RAB3IP: variants seen among roughly 807,000 people sequenced by gnomAD.
RAB3IP encodes the protein RAB3A interacting protein, also known as rab-3A-interacting protein.
In RAB3IP, 36 loss-of-function variants were observed where a neutral mutation model predicts 59.1. The ratio of observed to expected loss-of-function variants is 0.61; its 90% CI spans 0.47 to 0.80. RAB3IP has a LOEUF of 0.80. Ranked by LOEUF, RAB3IP falls within the 30% of genes least tolerant of loss-of-function variation. RAB3IP has a pLI of 0.00. For synonymous variants in RAB3IP, 207 were observed against 191.2 expected (o/e 1.08, Z -0.68); for missense variants, 511 against 536.0 (o/e 0.95, Z 0.46).
In RAB3IP at chr12:69,755,793, G is replaced by A. The variant is rs190057896; in HGVS notation, c.251+134G>A. 8.2e-5 allele frequency: 58 copies of A among 707,586 alleles called. 1 individual carries two copies. Among genetic ancestry groups the A allele is most frequent in the Admixed American group, 4.1e-4 (14 of 34,062 alleles). 43.8% of individuals were successfully genotyped at this position (707,586 alleles called of 1,614,324 possible). On this transcript the variant is annotated intron_variant, in intron 2 of 10. Coordinates refer to ENST00000247833, the MANE Select transcript of RAB3IP (RefSeq NM_022456.5). ...GCCTAGGTAAAGAAATACATGACCT[G>A]ATAATGTTCTAGAACAGGGTTGACA...
At chr12:69,756,334 G>GCT in intron 2 of RAB3IP, 71 bp from the exon 3 acceptor site, 1 of 1,486,090 alleles carries the variant, frequency 6.7e-7, no homozygotes, top group Non-Finnish European at 9.2e-7. Context: ...CAGTTCTAGA[G>GCT]CTGTGTGTTT....
chr12:69,821,014 T>C lies in RAB3IP; in HGVS notation c.*5568T>C, dbSNP rs956611526. 6.6e-6 allele frequency: 1 copy of C among 151,896 alleles called. No individual in the cohort carries two copies. Among genetic ancestry groups the C allele is most frequent in the African/African-American group, 2.4e-5 (1 of 41,338 alleles). 9.4% of individuals were successfully genotyped at this position (151,896 alleles called of 1,614,324 possible). ...AAGAGGACTAAACTTGATAAAATATTAAAAGAATTGAAACCCTTCCTAAAG... is the reference window on the plus strand; with the variant it reads ...AAGAGGACTAAACTTGATAAAATATCAAAAGAATTGAAACCCTTCCTAAAG... On this transcript the variant is annotated 3_prime_UTR_variant, in exon 11 of 11. Coordinates refer to ENST00000247833, the MANE Select transcript of RAB3IP (RefSeq NM_022456.5).
At chr12:69,754,083 A>G (rs1164879119) in intron 1 of RAB3IP, among the ~76,000 whole-genome samples, 2 of 152,162 alleles carry the variant, frequency 1.3e-5, no homozygotes, top group African/African-American at 2.4e-5. Context: ...AGCAACCAGG[A>G]CAAGGGAGGG....
intron 3 of RAB3IP, among the ~76,000 whole-genome samples, chr12:69,758,339 A>ATT (rs1049132052): frequency 3.9e-5 from 6 of 152,066 alleles, no homozygotes; most frequent in Admixed American, 2.6e-4. Context: ...TTTGGTTTAA[A>ATT]TTTACCATCT....
At chr12:69,788,994 C>G (rs139331682) in intron 4 of RAB3IP, among the ~76,000 whole-genome samples, 1 of 151,676 alleles carries the variant, frequency 6.6e-6, no homozygotes, top group Non-Finnish European at 1.5e-5. Context: ...TTTCTTGAGA[C>G]GAATAAAACT....
At chr12:69,771,383 C>T (rs1303138590) in intron 3 of RAB3IP, among the ~76,000 whole-genome samples, 2 of 151,838 alleles carry the variant, frequency 1.3e-5, no homozygotes, top group Non-Finnish European at 2.9e-5. Flanking sequence ...ATAAATTAAT[C>T]AGACATGGTG....
chr12:69,739,566 G>A (rs1318036453), intron 1 of RAB3IP: 1 of 514,884 alleles, frequency 1.9e-6, no homozygotes, highest in Non-Finnish European at 3.5e-6. Flanking sequence ...GAAACTACGC[G>A]CGAGGCACCG....
intron 4 of RAB3IP, among the ~76,000 whole-genome samples, chr12:69,790,165 T>C (rs897302468): frequency 1.3e-5 from 2 of 152,056 alleles, no homozygotes; most frequent in African/African-American, 4.8e-5. Context: ...GTGTAGAAAA[T>C]TCTAAAGATT....
chr12:69,801,834 C>G (rs1878436402), intron 8 of RAB3IP, 113 bp downstream of exon 8: 2 of 657,832 alleles, frequency 3.0e-6, no homozygotes, highest in Non-Finnish European at 5.3e-6. Flanking sequence ...TCAGATTTCT[C>G]TTAAGCGTCT....
chr12:69,801,317 CTG>C (rs1409325072), intron 7 of RAB3IP, among the ~76,000 whole-genome samples: 3 of 152,130 alleles, frequency 2.0e-5, no homozygotes, highest in African/African-American at 7.2e-5. Flanking sequence ...GTGGCATTAA[CTG>C]TGGATATTAA....
intron 3 of RAB3IP, among the ~76,000 whole-genome samples, chr12:69,772,519 T>C (rs560831107): frequency 6.6e-6 from 1 of 152,294 alleles, no homozygotes; most frequent in East Asian, 1.9e-4. Context: ...TTAAGTGATT[T>C]TCTCTAGTAA....
chr12:69,809,476 A>G (rs1880041978), intron 8 of RAB3IP, among the ~76,000 whole-genome samples: 1 of 152,156 alleles, frequency 6.6e-6, no homozygotes, highest in Admixed American at 6.5e-5. Flanking sequence ...GTTCTCCTGG[A>G]TAATATCCTG....
rs1398986713 is a variant in RAB3IP, at chr12:69,820,113, C to T, written c.*4667C>T. ...TTGTTTTCAGTGGTTTTTGTTGTTG[C>T]ATTTTTCCCTAGATAAAATGTTTTT... is the stretch of plus-strand genomic sequence containing the variant. On this transcript the variant is annotated 3_prime_UTR_variant, in exon 11 of 11. Transcript: ENST00000247833. The T allele has an allele frequency of 3.3e-5, 5 of 152,158 alleles. No individual in the cohort carries two copies. The highest frequency in any genetic ancestry group is 1.3e-4 in the Admixed American group (2 of 15,276). The allele number at this position is 152,158 out of a possible 1,614,324, so 9.4% of individuals were successfully genotyped here. A position where few individuals can be genotyped will look rare whatever the true frequency, so the allele number is the denominator to read the frequency against.
chr12:69,759,740 G>C (rs1423401729), intron 3 of RAB3IP, among the ~76,000 whole-genome samples: 3 of 150,290 alleles, frequency 2.0e-5, no homozygotes, highest in Non-Finnish European at 3.0e-5. Flanking sequence ...GCTGCCGGGC[G>C]GGGGCTGACC....
intron 6 of RAB3IP, among the ~76,000 whole-genome samples, chr12:69,799,716 A>G (rs1878076325): frequency 6.6e-6 from 1 of 152,140 alleles, no homozygotes; most frequent in South Asian, 2.1e-4. Context: ...TTTGATCCCA[A>G]ACTAGGTTTC....
rs1302170237 is a variant in RAB3IP, at chr12:69,803,185, A to G, written c.1130+1464A>G. Among the ~76,000 whole-genome samples, 3 of 152,202 alleles carry G rather than the reference A, an allele frequency of 2.0e-5. No homozygotes were observed. The South Asian group carries it at 6.2e-4, about 31-fold the overall frequency. On this transcript the variant is annotated intron_variant, in intron 8 of 10. Transcript: ENST00000247833. ...TATCAAATTAAAGTGGATTTATAGT[A>G]TCTTTAGTAAAATAATTATAGTTTA...
At chr12:69,746,787 T>C (rs1868383747) in intron 1 of RAB3IP, among the ~76,000 whole-genome samples, 2 of 152,208 alleles carry the variant, frequency 1.3e-5, no homozygotes, top group Non-Finnish European at 2.9e-5. Context: ...GAAGTAGCAG[T>C]CTCATTTTTA....
intron 3 of RAB3IP, among the ~76,000 whole-genome samples, chr12:69,757,340 T>C (rs1182386822): frequency 6.6e-6 from 1 of 151,914 alleles, no homozygotes; most frequent in East Asian, 1.9e-4. Flanking sequence ...AAGGAAATAA[T>C]AAAGAGCAAA....
rs370693677 is a variant in RAB3IP, at chr12:69,795,298, A to T, written c.842A>T (p.His281Leu). 4 of 1,614,038 alleles carry T rather than the reference A, an allele frequency of 2.5e-6. No homozygotes were observed. The East Asian group carries it at 8.9e-5, about 36-fold the overall frequency. Residue 281 changes from histidine to leucine, a missense_variant, in exon 6 of 11, where the codon CAT becomes CTT. Physicochemically the swap from His to Leu is moderately conservative, Grantham distance 99 (BLOSUM62 -3). Coordinates refer to ENST00000247833, the MANE Select transcript of RAB3IP (RefSeq NM_022456.5). ...ACAAGCAGTGCTATGAGTGGCAGTCATCAGGACCTCAGTGTGATACAGCCA... is the reference window on the plus strand; with the variant it reads ...ACAAGCAGTGCTATGAGTGGCAGTCTTCAGGACCTCAGTGTGATACAGCCA... ...KSTSSAMSGS[H>L]QDLSVIQPIV... is the part of the protein sequence containing the mutation.
Sources: gnomAD v4.1 joint callset for allele counts (sites outside exome capture counted in the v4.1 genomes callset) on GRCh38, gnomAD v4.1.1 for gene constraint, MANE v1.5 for transcripts, NCBI Gene and HGNC (gene_info 2026-07-23, HGNC 2026-07-21) for gene names.